Variants in FNDC3B observed in about 807,000 individuals in gnomAD.
FNDC3B encodes fibronectin type III domain-containing protein 3B.
Under a neutral mutation model 151.5 loss-of-function variants are expected in FNDC3B, and 12 were observed. The ratio of observed to expected loss-of-function variants is 0.08; its 90% CI spans 0.05 to 0.13. The LOEUF is 0.13. Ranked by LOEUF, FNDC3B falls within the 10% of genes least tolerant of loss-of-function variation. The pLI is 1.00. For missense variants in FNDC3B, 1,214 were observed against 1,505.3 expected (o/e 0.81, Z 3.20); for synonymous variants, 528 against 549.0 (o/e 0.96, Z 0.54).
intron 1 of FNDC3B, among the ~76,000 whole-genome samples, chr3:172,067,904 A>C (rs1268541552): frequency 2.6e-5 from 4 of 152,138 alleles, no homozygotes; most frequent in Non-Finnish European, 5.9e-5. Flanking sequence ...TAATGGTAGA[A>C]TACTTATGAC....
At chr3:172,312,158 T>C (rs574606482) in intron 11 of FNDC3B, among the ~76,000 whole-genome samples, 1 of 152,300 alleles carries the variant, frequency 6.6e-6, no homozygotes, top group Admixed American at 6.5e-5. Flanking sequence ...ATTCCCATGA[T>C]GAAATTTTGA....
At chr3:172,057,915 A>G (rs1363154496) in intron 1 of FNDC3B, among the ~76,000 whole-genome samples, 1 of 152,050 alleles carries the variant, frequency 6.6e-6, no homozygotes, top group East Asian at 1.9e-4. Context: ...GGGAGGAAAA[A>G]AAAAAAAGCA....
intron 21 of FNDC3B, among the ~76,000 whole-genome samples, chr3:172,347,675 A>G (rs116536465): frequency 1.4e-4 from 22 of 152,344 alleles, no homozygotes; most frequent in Non-Finnish European, 3.1e-4. Context: ...ACAGCTCCTT[A>G]GGGAAGGAGC....
At chr3:172,216,151 T>C (rs1028810362) in intron 3 of FNDC3B, among the ~76,000 whole-genome samples, 3 of 152,228 alleles carry the variant, frequency 2.0e-5, no homozygotes, top group African/African-American at 7.2e-5. Context: ...TGGTGATGCC[T>C]TTGTTTTAAT....
chr3:172,085,920 A>G (rs1718526832), intron 1 of FNDC3B, among the ~76,000 whole-genome samples: 1 of 152,218 alleles, frequency 6.6e-6, no homozygotes, highest in Non-Finnish European at 1.5e-5. Context: ...CTATAGGTGT[A>G]TACATAGTCT....
chr3:172,226,174 G>A (rs547908046), intron 3 of FNDC3B, among the ~76,000 whole-genome samples: 66 of 151,714 alleles, frequency 4.4e-4, no homozygotes, highest in Middle Eastern at 3.4e-3. Context: ...GCGTGGTGGC[G>A]GGCACCTGTA....
chr3:172,114,203 C>T (rs1464763487), intron 2 of FNDC3B, among the ~76,000 whole-genome samples: 3 of 152,142 alleles, frequency 2.0e-5, no homozygotes, highest in Admixed American at 1.3e-4. Flanking sequence ...CTCTGTCATT[C>T]TCTGCCTGCT....
At chr3:172,309,886 A>G (rs1731381098) in intron 10 of FNDC3B, among the ~76,000 whole-genome samples, 1 of 152,214 alleles carries the variant, frequency 6.6e-6, no homozygotes, top group Non-Finnish European at 1.5e-5. Flanking sequence ...ACCACATGCG[A>G]CAAACAGCCA....
chr3:172,270,682 TCTC>T (rs1729157053), intron 6 of FNDC3B, among the ~76,000 whole-genome samples: 1 of 152,158 alleles, frequency 6.6e-6, no homozygotes, highest in Non-Finnish European at 1.5e-5. Context: ...TTTTCTATAT[TCTC>T]CTGCAAGAGT....
chr3:172,336,015 C>G (rs1484457420), intron 15 of FNDC3B, among the ~76,000 whole-genome samples: 1 of 152,048 alleles, frequency 6.6e-6, no homozygotes, highest in Non-Finnish European at 1.5e-5. Context: ...TTTAGCCAGA[C>G]CATAGAGCTT....
intron 3 of FNDC3B, among the ~76,000 whole-genome samples, chr3:172,192,169 G>GTT (rs200952601): frequency 0.019 from 1,670 of 87,198 alleles, 33 homozygotes; most frequent in South Asian, 0.064. Flanking sequence ...TTTTGTGTGT[G>GTT]TTTTTTGTTT....
At chr3:172,141,709 G>A (rs894996842) in intron 3 of FNDC3B, among the ~76,000 whole-genome samples, 1 of 152,068 alleles carries the variant, frequency 6.6e-6, no homozygotes, top group African/African-American at 2.4e-5. Flanking sequence ...AATTAGCTGG[G>A]CTTGGTGGTT....
At chr3:172,371,748 G>T in intron 23 of FNDC3B, among the ~76,000 whole-genome samples, 1 of 152,126 alleles carries the variant, frequency 6.6e-6, no homozygotes, top group African/African-American at 2.4e-5. Flanking sequence ...TCTTAGCCTG[G>T]ACTCACCAGG....
chr3:172,115,623 A>G (rs1415153996), intron 2 of FNDC3B, among the ~76,000 whole-genome samples: 1 of 152,144 alleles, frequency 6.6e-6, no homozygotes. Context: ...TTTTCATCTT[A>G]ATAAGAACCT....
At chr3:172,378,797 T>A (rs933863349) in intron 24 of FNDC3B, among the ~76,000 whole-genome samples, 1 of 152,314 alleles carries the variant, frequency 6.6e-6, no homozygotes, top group African/African-American at 2.4e-5. Context: ...GTGACTTTGG[T>A]GCCTAGAGAC....
At chr3:172,180,873 C>T (rs1176307796) in intron 3 of FNDC3B, among the ~76,000 whole-genome samples, 1 of 151,988 alleles carries the variant, frequency 6.6e-6, no homozygotes, top group African/African-American at 2.4e-5. Flanking sequence ...CTTGTAGATC[C>T]TGTTTCAGTC....
At chr3:172,074,192 T>G (rs1039746325) in intron 1 of FNDC3B, among the ~76,000 whole-genome samples, 6 of 152,236 alleles carry the variant, frequency 3.9e-5, no homozygotes, top group African/African-American at 1.4e-4. Flanking sequence ...TGATGCTACA[T>G]TATTGCCTGT....
chr3:172,174,340 G>T (rs1478140719), intron 3 of FNDC3B, among the ~76,000 whole-genome samples: 4 of 152,180 alleles, frequency 2.6e-5, no homozygotes, highest in African/African-American at 4.8e-5. Flanking sequence ...CTGCCACTTA[G>T]TTAGACTGAG....
intron 6 of FNDC3B, among the ~76,000 whole-genome samples, chr3:172,277,946 A>G (rs940259807): frequency 1.3e-5 from 2 of 152,172 alleles, no homozygotes; most frequent in Admixed American, 6.5e-5. Context: ...AGGTTGTGTC[A>G]TGGATGGTAA....
Sources: allele counts gnomAD v4.1 joint callset (sites outside exome capture counted in the v4.1 genomes callset), GRCh38; gene constraint gnomAD v4.1.1; transcripts MANE v1.5; gene names NCBI Gene and HGNC (gene_info 2026-07-23, HGNC 2026-07-21).